Variants in SMC2 observed in about 807,000 individuals in gnomAD.
The protein encoded by SMC2 is structural maintenance of chromosomes protein 2.
SMC2 carries 41 observed loss-of-function variants against 142.6 expected under a neutral mutation model. That is an observed-to-expected ratio of 0.29 (90% CI 0.22 to 0.37). The LOEUF (loss-of-function observed/expected upper bound fraction) is 0.37, where lower values mean the gene tolerates loss of function less well. SMC2 is among the 10% of genes least tolerant of loss of function. The probability of loss-of-function intolerance (pLI) is 1.00; values close to 1 mark genes in which losing one functional copy is unlikely to be tolerated. For synonymous variants in SMC2, 463 were observed against 457.5 expected, an observed-to-expected ratio of 1.01 and a Z score of -0.15; for missense variants, 1,265 against 1,373.7, an observed-to-expected ratio of 0.92 and a Z score of 1.25.
In SMC2 at chr9:104,131,232, C is replaced by CGTT. The variant is rs373736266; in HGVS notation, c.2992-776_2992-774dup. ...TATTTGAGCTGAAATTTCAGGCAAC[C>CGTT]GTTATGTCAGAGAAAGAGCATTCCA... On this transcript the variant is annotated intron_variant, in intron 21 of 24. Coordinates refer to ENST00000374793, the MANE Select transcript of SMC2 (RefSeq NM_006444.3). Among the ~76,000 whole-genome samples the CGTT allele has an allele frequency of 1.7e-3, 256 of 152,122 alleles. 1 individual carries two copies. The highest frequency in any genetic ancestry group is 5.8e-3 in the African/African-American group (239 of 41,518).
rs746713229 is a variant in SMC2 at position 104,127,246 on chromosome 9, GTTACC to G, written c.2596-38_2596-34del. On this transcript the variant is annotated intron_variant, in intron 19 of 24. Coordinates refer to ENST00000374793, the MANE Select transcript of SMC2 (RefSeq NM_006444.3). The stretch of plus-strand genomic sequence containing the variant: ...TTTAGTAAATTAAAATTATTTACAT[GTTACC>G]TCACCACATATTTTCTTTAATTTTT... The G allele has an allele frequency of 1.1e-5, 16 of 1,444,780 alleles. No homozygotes were observed. In the Middle Eastern group the frequency reaches 7.6e-4, roughly 69 times the overall value. The allele number at this position is 1,444,780 out of a possible 1,614,324, so 89.5% of individuals were successfully genotyped here.
intron 11 of SMC2, 37 bp from the exon 12 acceptor site, chr9:104,113,926 TA>T: frequency 7.5e-7 from 1 of 1,327,724 alleles, no homozygotes; most frequent in South Asian, 1.4e-5. Flanking sequence ...AGTGAGCTTT[TA>T]AAACTTGGTT....
the SMC2 span, among the ~76,000 whole-genome samples, chr9:104,088,999 T>C: frequency 1.3e-5 from 2 of 150,500 alleles, no homozygotes; most frequent in South Asian, 4.2e-4. Context: ...AAAAAAGACA[T>C]GGTAATCTAA....
At position 104,114,806 on chromosome 9, in the gene SMC2, T is replaced by C. The variant is rs779787783; in HGVS notation, c.1648T>C (p.Tyr550His). 79 of 1,612,674 alleles carry C rather than the reference T, an allele frequency of 4.9e-5. No individual in the cohort carries two copies. The highest frequency in any genetic ancestry group is 5.9e-5 in the Non-Finnish European group (70 of 1,179,366). ...AGAATTAGTGGCTGGAGAACGACTC[T>C]ACAATGTTGTAGTAGACACAGAAGT... ...ALELVAGERL[Y>H]NVVVDTEVTG... Residue 550 changes from tyrosine to histidine, a missense_variant, in exon 13 of 25, where the codon TAC becomes CAC. Physicochemically the swap from Tyr to His is moderately conservative, Grantham distance 83. Coordinates refer to ENST00000374793, the MANE Select transcript of SMC2 (RefSeq NM_006444.3).
In SMC2 at chr9:104,116,193, G is replaced by A; in HGVS notation, c.1672-7G>A. 6.3e-7 allele frequency: 1 copy of A among 1,585,456 alleles called. No individual in the cohort carries two copies. Among genetic ancestry groups the A allele is most frequent in the Non-Finnish European group, 8.5e-7 (1 of 1,171,180 alleles). On this transcript the variant is annotated splice_region_variant and splice_polypyrimidine_tract_variant and intron_variant, in intron 13 of 24. Transcript: ENST00000374793. Reference sequence around the variant, plus strand: ...ATGCGTTTTTTAAATTCAAATGTGTGTTGTAGGTTACTGGTAAAAAGCTAC... The same window carrying A: ...ATGCGTTTTTTAAATTCAAATGTGTATTGTAGGTTACTGGTAAAAAGCTAC...
At chr9:104,106,510 C>T (rs946124002) in intron 9 of SMC2, among the ~76,000 whole-genome samples, 1 of 152,194 alleles carries the variant, frequency 6.6e-6, no homozygotes, top group African/African-American at 2.4e-5. Context: ...TCTCCTGCCT[C>T]AGCCTCCCAA....
chr9:104,097,732 A>G (rs1301951866), intron 3 of SMC2, among the ~76,000 whole-genome samples: 1 of 152,186 alleles, frequency 6.6e-6, no homozygotes, highest in Admixed American at 6.5e-5. Flanking sequence ...TATATGAACT[A>G]CCAACCTAGT....
chr9:104,128,200 A>C (rs1310014691), intron 20 of SMC2, among the ~76,000 whole-genome samples: 2 of 152,142 alleles, frequency 1.3e-5, no homozygotes, highest in Non-Finnish European at 2.9e-5. Flanking sequence ...ATGAACTTTA[A>C]CTTCAGAAAG....
chr9:104,112,008 A>C (rs1350052289), intron 10 of SMC2, among the ~76,000 whole-genome samples, 194 bp downstream of exon 10: 1 of 152,220 alleles, frequency 6.6e-6, no homozygotes, highest in Non-Finnish European at 1.5e-5. Context: ...TGGTGATGTT[A>C]ATTTGTGAAG....
At chr9:104,121,038 C>A (rs80051613) in intron 16 of SMC2, among the ~76,000 whole-genome samples, 8,570 of 151,874 alleles carry the variant, frequency 0.056, 652 homozygotes, top group African/African-American at 0.18. Flanking sequence ...TATTGGGTGG[C>A]CAAGAAAAGC....
rs778988810 is a variant in SMC2, at chr9:104,139,184, G to A, written c.3463G>A (p.Val1155Ile). 17 of 1,598,342 alleles carry A rather than the reference G, an allele frequency of 1.1e-5. No homozygotes were observed. The highest frequency in any genetic ancestry group is 1.7e-4 in the Middle Eastern group (1 of 6,056). The change falls in exon 25 of 25, where the codon GTT becomes ATT. Residue 1155 changes from valine to isoleucine, a missense_variant. Coordinates refer to ENST00000374793, the MANE Select transcript of SMC2 (RefSeq NM_006444.3). Reference protein sequence around the residue: ...LKEGMFNNANVLFKTKFVDGV... With the variant: ...LKEGMFNNANILFKTKFVDGV... ...AGAAGGTATGTTCAACAATGCAAAC[G>A]TTCTTTTCAAAACCAAGTTTGTGGA...
At chr9:104,129,574 TAAG>T (rs1249475516) in intron 20 of SMC2, 68 bp from the exon 21 acceptor site, 1 of 1,177,540 alleles carries the variant, frequency 8.5e-7, no homozygotes, top group African/African-American at 1.5e-5. Context: ...ATTAAATAGT[TAAG>T]AAACTGGCTT....
In SMC2 at chr9:104,139,426, C is replaced by G. The variant is rs915209602; in HGVS notation, c.*111C>G. 5 of 814,878 alleles carry G rather than the reference C, an allele frequency of 6.1e-6. No individual in the cohort carries two copies. The highest frequency in any genetic ancestry group is 9.3e-6 in the Non-Finnish European group (5 of 537,420). The allele number at this position is 814,878 out of a possible 1,614,324, so 50.5% of individuals were successfully genotyped here. ...AAATTAATGTTACTGTGTTACTTAACCCATGTTTTCTCTTTATATAATCAC... is the reference window on the plus strand; with the variant it reads ...AAATTAATGTTACTGTGTTACTTAAGCCATGTTTTCTCTTTATATAATCAC... On this transcript the variant is annotated 3_prime_UTR_variant, in exon 25 of 25. Transcript: ENST00000374793.
intron 20 of SMC2, among the ~76,000 whole-genome samples, chr9:104,129,058 T>C (rs1834632528): frequency 6.6e-6 from 1 of 152,182 alleles, no homozygotes. Context: ...GGAGGTGCTT[T>C]GCGTATACTT....
chr9:104,092,327 T>A (rs898696596), upstream of SMC2: 5 of 152,226 alleles, frequency 3.3e-5, no homozygotes, highest in African/African-American at 1.2e-4. Context: ...CACTTGTGTA[T>A]GTTTTCATCC....
At chr9:104,122,110 A>G (rs1833807418) in intron 16 of SMC2, among the ~76,000 whole-genome samples, 1 of 152,154 alleles carries the variant, frequency 6.6e-6, no homozygotes, top group Non-Finnish European at 1.5e-5. Context: ...GTAGAACAGA[A>G]TTTTTCTGTG....
chr9:104,089,289 C>T (rs1829959541), upstream of SMC2, among the ~76,000 whole-genome samples: 1 of 151,972 alleles, frequency 6.6e-6, no homozygotes, highest in East Asian at 1.9e-4. Context: ...ATGTTAACTG[C>T]AGAAGCAAAT....
rs770062790 is a variant in SMC2 at position 104,118,145 on chromosome 9, GT to G, written c.1792-25del. The G allele has an allele frequency of 3.1e-6, 5 of 1,594,198 alleles. No individual in the cohort carries two copies. The South Asian group carries it at 5.5e-5, about 18-fold the overall frequency. ...GAAAGGAAAAGTAGTAGTATGTACTGTGGCATATCTGTTGTTGTCCCACAGG... is the reference window on the plus strand; with the variant it reads ...GAAAGGAAAAGTAGTAGTATGTACTGGGCATATCTGTTGTTGTCCCACAGG... On this transcript the variant is annotated intron_variant, in intron 14 of 24. Coordinates refer to ENST00000374793, the MANE Select transcript of SMC2 (RefSeq NM_006444.3).
chr9:104,110,072 T>C (rs1832253603), intron 9 of SMC2, among the ~76,000 whole-genome samples: 1 of 152,198 alleles, frequency 6.6e-6, no homozygotes. Flanking sequence ...GTAGTTCACG[T>C]TTCCAGTAAG....
Sources: gnomAD v4.1 joint callset for allele counts (sites outside exome capture counted in the v4.1 genomes callset) on GRCh38, gnomAD v4.1.1 for gene constraint, MANE v1.5 for transcripts, NCBI Gene and HGNC (gene_info 2026-07-23, HGNC 2026-07-21) for gene names.